The following PCDHGA2 variants were observed in gnomAD, a reference collection of about 807,000 sequenced individuals.
The protein encoded by PCDHGA2 is protocadherin gamma subfamily A, 2.
Under a neutral mutation model 59.2 loss-of-function variants are expected in PCDHGA2, and 40 were observed. The observed-to-expected ratio is 0.68, with a 90% CI of 0.52 to 0.88. The LOEUF is 0.88. PCDHGA2 is among the 40% of genes least tolerant of loss of function. The pLI, the probability that PCDHGA2 is intolerant of heterozygous loss-of-function variation, is 0.00. For synonymous variants in PCDHGA2, 560 were observed against 526.0 expected (o/e 1.06, Z -0.89); for missense variants, 1,226 against 1,204.0 (o/e 1.02, Z -0.27).
chr5:141,365,401 T>G, intron 1 of PCDHGA2: 1 of 1,614,034 alleles, frequency 6.2e-7, no homozygotes, highest in Non-Finnish European at 8.5e-7. Flanking sequence ...GTTCGATCTC[T>G]GAAGACTGTC....
intron 1 of PCDHGA2, chr5:141,356,127 T>G (rs1760117791): frequency 1.2e-6 from 2 of 1,613,754 alleles, no homozygotes; most frequent in African/African-American, 2.7e-5. Flanking sequence ...GTCTAGATTA[T>G]GAGGACTCTG....
intron 3 of PCDHGA2, among the ~76,000 whole-genome samples, chr5:141,508,957 C>T (rs1242113190): frequency 6.6e-6 from 1 of 151,976 alleles, no homozygotes; most frequent in Non-Finnish European, 1.5e-5. Context: ...GAAATGTCAG[C>T]GGAATGAAAG....
At position 141,486,882 on chromosome 5, in the gene PCDHGA2, C is replaced by T; in HGVS notation, c.2425-7925C>T. The T allele has an allele frequency of 6.2e-7, 1 of 1,614,244 alleles. No individual in the cohort carries two copies. The highest frequency in any genetic ancestry group is 1.1e-5 in the South Asian group (1 of 91,086). On this transcript the variant is annotated intron_variant, in intron 1 of 3. Transcript: ENST00000394576. This position sits in a 1 kb window ranked among gnomAD's most constrained non-coding sequence, Gnocchi z 5.0. ...GCTCCAGCTGTGCTCCGTCCTCGGG[C>T]CCGGCCTGGTTCCTTATGTCCCCAA...
intron 1 of PCDHGA2, chr5:141,428,181 AG>A (rs776102500): frequency 6.7e-7 from 1 of 1,486,230 alleles, no homozygotes; most frequent in Admixed American, 1.8e-5. Context: ...GACGGAGGAC[AG>A]CCGCCGCTCT....
chr5:141,371,360 G>A (rs1337014125), intron 1 of PCDHGA2: 2 of 1,613,842 alleles, frequency 1.2e-6, no homozygotes, highest in Admixed American at 1.7e-5. Context: ...TGGAAGCAAA[G>A]GATGGTGGAC....
intron 2 of PCDHGA2, among the ~76,000 whole-genome samples, chr5:141,500,138 ACTTTT>A: frequency 6.6e-6 from 1 of 150,560 alleles, no homozygotes; most frequent in Middle Eastern, 3.2e-3. Flanking sequence ...ATCTTTCTAA[ACTTTT>A]CTTTGTGTAA....
Position 141,432,298 on chromosome 5 carries a change from A to T in PCDHGA2, c.2425-62509A>T. Reference sequence around the variant, plus strand: ...TGTCCATCAACTCCGACACTGGGGTACTGTATGCGCTGAGCTCCTTCGACT... The same window carrying T: ...TGTCCATCAACTCCGACACTGGGGTTCTGTATGCGCTGAGCTCCTTCGACT... On this transcript the variant is annotated intron_variant, in intron 1 of 3. Transcript: ENST00000394576. The surrounding 1 kb of genome is among the most constrained non-coding windows in gnomAD (Gnocchi z 6.0). The T allele has an allele frequency of 6.2e-7, 1 of 1,614,236 alleles. No homozygotes were observed. Among genetic ancestry groups the T allele is most frequent in the Non-Finnish European group, 8.5e-7 (1 of 1,180,036 alleles).
At position 141,486,059 on chromosome 5, in the gene PCDHGA2, C is replaced by T. The variant is rs141349392; in HGVS notation, c.2425-8748C>T. ...TCGTGTAAGAAACCTCTTTAGCCTG[C>T]ACCCCACTACTGGAAAGCTTACTCT... On this transcript the variant is annotated intron_variant, in intron 1 of 3. Transcript: ENST00000394576. The surrounding 1 kb of genome is among the most constrained non-coding windows in gnomAD (Gnocchi z 5.0). The T allele has an allele frequency of 9.0e-5, 146 of 1,614,034 alleles. No individual in the cohort carries two copies. The highest frequency in any genetic ancestry group is 1.2e-4 in the Non-Finnish European group (138 of 1,180,018).
intron 1 of PCDHGA2, chr5:141,383,106 A>T (rs760790560): frequency 6.2e-7 from 1 of 1,613,828 alleles, no homozygotes; most frequent in Non-Finnish European, 8.5e-7. Context: ...TCATCTCCAG[A>T]GGTAGGACGC....
intron 1 of PCDHGA2, among the ~76,000 whole-genome samples, chr5:141,435,395 C>T (rs946113643): frequency 5.3e-5 from 8 of 152,198 alleles, no homozygotes; most frequent in East Asian, 3.9e-4. Context: ...ATTGCCATGA[C>T]GAAAAATGGT....
intron 1 of PCDHGA2, chr5:141,404,727 T>G (rs762980421): frequency 6.2e-7 from 1 of 1,613,912 alleles, no homozygotes; most frequent in Non-Finnish European, 8.5e-7. Flanking sequence ...ACCAAGGTGG[T>G]GGCAGTGGAC....
Position 141,511,429 on chromosome 5 carries a change from G to A in PCDHGA2, c.*256G>A, listed in dbSNP as rs1414641314. 1.3e-6 allele frequency: 1 copy of A among 769,620 alleles called. No individual in the cohort carries two copies. The highest frequency in any genetic ancestry group is 2.0e-6 in the Non-Finnish European group (1 of 505,154). The allele number at this position is 769,620 out of a possible 1,614,324, so 47.7% of individuals were successfully genotyped here. On this transcript the variant is annotated 3_prime_UTR_variant, in exon 4 of 4. Transcript: ENST00000394576. The stretch of plus-strand genomic sequence containing the variant: ...CTGCTGTACCCATGGGGGTAGTGGG[G>A]TTACTGTAGACACCAAGAACCATTT...
At chr5:141,409,434 A>T in intron 1 of PCDHGA2, 2 of 1,613,992 alleles carry the variant, frequency 1.2e-6, no homozygotes, top group Non-Finnish European at 1.7e-6. Context: ...GGAGCCCTGG[A>T]CCGAGAGCAG....
chr5:141,360,269 CG>C, intron 1 of PCDHGA2: 1 of 1,613,932 alleles, frequency 6.2e-7, no homozygotes, highest in African/African-American at 1.3e-5. Flanking sequence ...GCCAAAAACT[CG>C]GTCGTAGGAA....
rs1318239086 is a variant in PCDHGA2 at position 141,375,939 on chromosome 5, T to C, written c.2424+34544T>C. 2.5e-6 allele frequency: 4 copies of C among 1,613,658 alleles called. No homozygotes were observed. In the East Asian group the frequency reaches 8.9e-5, roughly 36 times the overall value. On this transcript the variant is annotated intron_variant, in intron 1 of 3. Transcript: ENST00000394576. ...GCCAGCGAGCCAGGACTTTTCTCAGTGGGCCTGCACACGGGCGAGGTGCGC... is the reference window on the plus strand; with the variant it reads ...GCCAGCGAGCCAGGACTTTTCTCAGCGGGCCTGCACACGGGCGAGGTGCGC...
At chr5:141,436,208 A>G (rs1287696925) in intron 1 of PCDHGA2, among the ~76,000 whole-genome samples, 1 of 152,152 alleles carries the variant, frequency 6.6e-6, no homozygotes, top group Non-Finnish European at 1.5e-5. Context: ...CATAATAGGA[A>G]AACAAATGAC....
chr5:141,509,765 T>G (rs1312823974), intron 3 of PCDHGA2, among the ~76,000 whole-genome samples: 2 of 152,120 alleles, frequency 1.3e-5, no homozygotes, highest in Non-Finnish European at 1.5e-5. Flanking sequence ...GTCCCTGAGA[T>G]GTCTAGTCCC....
At chr5:141,439,215 G>A (rs1319217047) in intron 1 of PCDHGA2, among the ~76,000 whole-genome samples, 2 of 151,488 alleles carry the variant, frequency 1.3e-5, no homozygotes, top group African/African-American at 4.9e-5. Flanking sequence ...ATCCATATGT[G>A]AAAATTCTTA....
At chr5:141,441,725 C>T (rs2098268012) in intron 1 of PCDHGA2, 3 of 352,332 alleles carry the variant, frequency 8.5e-6, no homozygotes. Flanking sequence ...AGGCCCGCGA[C>T]CAGGACTAGC....
Sources: allele counts gnomAD v4.1 joint callset (sites outside exome capture counted in the v4.1 genomes callset), GRCh38; gene constraint gnomAD v4.1.1; non-coding constraint Gnocchi (gnomAD v3.1); transcripts MANE v1.5; gene names NCBI Gene and HGNC (gene_info 2026-07-23, HGNC 2026-07-21).